The following ADAMTSL1 variants were observed in gnomAD, a reference collection of about 807,000 sequenced individuals.
ADAMTSL1 encodes the protein ADAMTS like 1.
ADAMTSL1 carries 126 observed loss-of-function variants against 201.8 expected under a neutral mutation model. That is an observed-to-expected ratio of 0.62 (90% CI 0.54 to 0.72). The LOEUF is 0.72. ADAMTSL1 is among the 30% of genes least tolerant of loss of function. The pLI, the probability that ADAMTSL1 is intolerant of heterozygous loss-of-function variation, is 0.00. For synonymous variants in ADAMTSL1, 1,121 were observed against 903.4 expected (o/e 1.24, Z -4.32); for missense variants, 2,679 against 2,277.8 (o/e 1.18, Z -3.59).
chr9:18,849,959 G>A (rs1826376794), intron 23 of ADAMTSL1, among the ~76,000 whole-genome samples: 2 of 152,156 alleles, frequency 1.3e-5, no homozygotes, highest in African/African-American at 4.8e-5. Context: ...GCATTTACAA[G>A]GAAGCCACAG....
chr9:17,994,721 A>G (rs911860934), intron 1 of ADAMTSL1, among the ~76,000 whole-genome samples: 6 of 152,180 alleles, frequency 3.9e-5, no homozygotes, highest in African/African-American at 1.2e-4. Context: ...TCAGAATAAG[A>G]CAGTTCATTT....
chr9:18,532,099 G>T (rs1247794310), intron 2 of ADAMTSL1, among the ~76,000 whole-genome samples: 1 of 152,124 alleles, frequency 6.6e-6, no homozygotes, highest in Non-Finnish European at 1.5e-5. Context: ...GGATTTTGTA[G>T]TGTATCTTTA....
At chr9:18,003,603 G>A (rs1324092760) in intron 1 of ADAMTSL1, among the ~76,000 whole-genome samples, 4 of 152,042 alleles carry the variant, frequency 2.6e-5, no homozygotes, top group Non-Finnish European at 5.9e-5. Context: ...GATGATAAAA[G>A]TCTGACTTTG....
chr9:18,016,921 A>G (rs959876989), intron 1 of ADAMTSL1, among the ~76,000 whole-genome samples: 1 of 152,020 alleles, frequency 6.6e-6, no homozygotes, highest in Non-Finnish European at 1.5e-5. Flanking sequence ...ATTAAATATG[A>G]AAAAACTGGG....
At chr9:18,516,954 G>C (rs1216642404) in intron 2 of ADAMTSL1, among the ~76,000 whole-genome samples, 2 of 152,172 alleles carry the variant, frequency 1.3e-5, no homozygotes, top group Non-Finnish European at 2.9e-5. Flanking sequence ...GACATGGAAG[G>C]ATTGGAGAAC....
At chr9:18,257,433 T>C (rs1243094282) in intron 2 of ADAMTSL1, among the ~76,000 whole-genome samples, 5 of 151,834 alleles carry the variant, frequency 3.3e-5, no homozygotes, top group Admixed American at 6.7e-5. Flanking sequence ...ACACCCCAGT[T>C]ATTAGGAAAA....
upstream of ADAMTSL1, among the ~76,000 whole-genome samples, chr9:18,470,737 C>A (rs1220408053): frequency 6.6e-6 from 1 of 152,218 alleles, no homozygotes; most frequent in African/African-American, 2.4e-5. Context: ...ATAAAGCACA[C>A]TGAATGTTAA....
At chr9:18,194,100 GA>G (rs765248084) in intron 2 of ADAMTSL1, among the ~76,000 whole-genome samples, 1 of 151,438 alleles carries the variant, frequency 6.6e-6, no homozygotes, top group Admixed American at 6.6e-5. Flanking sequence ...ACTGTAACTG[GA>G]AAAAAAATAG....
chr9:18,215,887 G>A (rs1178825606), intron 2 of ADAMTSL1, among the ~76,000 whole-genome samples: 1 of 152,100 alleles, frequency 6.6e-6, no homozygotes, highest in Non-Finnish European at 1.5e-5. Context: ...TGTCACTTTT[G>A]TCAACTCACC....
intron 2 of ADAMTSL1, among the ~76,000 whole-genome samples, chr9:18,435,590 T>C (rs922905076): frequency 2.6e-5 from 4 of 152,174 alleles, no homozygotes; most frequent in Non-Finnish European, 5.9e-5. Flanking sequence ...GAGAGTATTC[T>C]AGGAGGAAAT....
At chr9:18,033,530 GA>G (rs1248380128) in intron 1 of ADAMTSL1, among the ~76,000 whole-genome samples, 2 of 152,092 alleles carry the variant, frequency 1.3e-5, no homozygotes, top group Non-Finnish European at 2.9e-5. Flanking sequence ...CTAAAAAACT[GA>G]AAAAAGGTTT....
intron 13 of ADAMTSL1, among the ~76,000 whole-genome samples, chr9:18,685,373 T>C (rs1587894447): frequency 1.3e-5 from 2 of 152,216 alleles, no homozygotes; most frequent in East Asian, 3.8e-4. Flanking sequence ...TGCCAGTGTC[T>C]TCAGAAGAGG....
intron 8 of ADAMTSL1, among the ~76,000 whole-genome samples, chr9:18,660,690 AAAATGTC>A (rs1270003596): frequency 1.3e-5 from 2 of 152,238 alleles, no homozygotes; most frequent in Non-Finnish European, 2.9e-5. Context: ...TTACTTACTT[AAAATGTC>A]ATTTTGCTAC....
At position 18,700,886 on chromosome 9, in the gene ADAMTSL1, C is replaced by T. The variant is rs180798981; in HGVS notation, c.1575-5861C>T. 2.3e-3 allele frequency among the ~76,000 whole-genome samples: 351 copies of T among 152,230 alleles called. 2 individuals are homozygous for T. Among genetic ancestry groups the T allele is most frequent in the African/African-American group, 8.0e-3 (333 of 41,536 alleles). On this transcript the variant is annotated intron_variant, in intron 13 of 28. Coordinates refer to ENST00000380548, the MANE Select transcript of ADAMTSL1 (RefSeq NM_001040272.6). ...AAATGAACATCTGACAAAGATTTAA[C>T]CTACCTCATTAACCAATGAGGGAAC...
intron 4 of ADAMTSL1, among the ~76,000 whole-genome samples, chr9:18,609,461 C>G (rs1825244329): frequency 6.6e-6 from 1 of 150,834 alleles, no homozygotes; most frequent in Non-Finnish European, 1.5e-5. Flanking sequence ...CAATGGAACT[C>G]CATCTGCTCT....
At chr9:18,686,059 C>A (rs925118049) in intron 13 of ADAMTSL1, among the ~76,000 whole-genome samples, 1 of 152,082 alleles carries the variant, frequency 6.6e-6, no homozygotes, top group African/African-American at 2.4e-5. Flanking sequence ...GCTGGGACTA[C>A]AGGTGCAGGC....
intron 20 of ADAMTSL1, among the ~76,000 whole-genome samples, chr9:18,815,950 T>A (rs1333159488): frequency 6.6e-6 from 1 of 152,124 alleles, no homozygotes; most frequent in South Asian, 2.1e-4. Flanking sequence ...AAAATCAAAT[T>A]AGGGTATTTG....
chr9:17,933,657 A>C (rs1457803290), intron 1 of ADAMTSL1, among the ~76,000 whole-genome samples: 1 of 152,150 alleles, frequency 6.6e-6, no homozygotes, highest in Non-Finnish European at 1.5e-5. Context: ...GAAACTTACA[A>C]TCATGGCAAA....
chr9:18,622,435 C>G (rs769426267), intron 5 of ADAMTSL1, 66 bp downstream of exon 5: 1 of 1,604,446 alleles, frequency 6.2e-7, no homozygotes, highest in Non-Finnish European at 8.5e-7. Flanking sequence ...TTAGGTCTGG[C>G]CCCACTAAAC....
Sources: gnomAD v4.1 joint callset for allele counts (sites outside exome capture counted in the v4.1 genomes callset) on GRCh38, gnomAD v4.1.1 for gene constraint, MANE v1.5 for transcripts, NCBI Gene and HGNC (gene_info 2026-07-23, HGNC 2026-07-21) for gene names.